The following SLC8A1 variants were observed in gnomAD, a reference collection of about 807,000 sequenced individuals.
The protein encoded by SLC8A1 is solute carrier family 8 member A1, also known as sodium/calcium exchanger 1.
Under a neutral mutation model 68.3 loss-of-function variants are expected in SLC8A1, and 18 were observed. The ratio of observed to expected loss-of-function variants is 0.26; its 90% confidence interval spans 0.18 to 0.39. The LOEUF is 0.39. Ranked by LOEUF, SLC8A1 falls within the 10% of genes least tolerant of loss-of-function variation. The probability of loss-of-function intolerance (pLI) is 1.00; values close to 1 mark genes in which losing one functional copy is unlikely to be tolerated. For synonymous variants in SLC8A1, 475 were observed against 415.5 expected, an observed-to-expected ratio of 1.14 and a Z score of -1.74; for missense variants, 985 against 1,156.7, an observed-to-expected ratio of 0.85 and a Z score of 2.15.
At chr2:40,400,182 T>C (rs1306759630) in intron 2 of SLC8A1, among the ~76,000 whole-genome samples, 2 of 152,200 alleles carry the variant, frequency 1.3e-5, no homozygotes, top group African/African-American at 4.8e-5. Context: ...GACAGGAGTC[T>C]TGCCGATGCC....
chr2:40,358,047 G>GAA (rs1559373862), intron 2 of SLC8A1, among the ~76,000 whole-genome samples: 2 of 105,824 alleles, frequency 1.9e-5, no homozygotes, highest in African/African-American at 7.8e-5. Flanking sequence ...TGCAACTGAA[G>GAA]GAAAAAAAAA....
chr2:40,241,207 A>T (rs2061174684), intron 2 of SLC8A1, among the ~76,000 whole-genome samples: 1 of 152,182 alleles, frequency 6.6e-6, no homozygotes, highest in East Asian at 1.9e-4. Context: ...AGTGATATGG[A>T]TGCAAGTGGA....
chr2:40,471,502 G>A (rs535123101), intron 1 of SLC8A1, among the ~76,000 whole-genome samples: 7 of 152,200 alleles, frequency 4.6e-5, no homozygotes, highest in African/African-American at 9.6e-5. Context: ...AAATAGGGGC[G>A]TACTACCTCC....
intron 1 of SLC8A1, among the ~76,000 whole-genome samples, chr2:40,504,958 T>C (rs1395403723): frequency 1.3e-5 from 2 of 151,954 alleles, no homozygotes; most frequent in East Asian, 1.9e-4. Flanking sequence ...CTGCTGGTTA[T>C]ATACCCTGCA....
chr2:40,392,022 C>T (rs1341709536), intron 2 of SLC8A1, among the ~76,000 whole-genome samples: 1 of 150,676 alleles, frequency 6.6e-6, no homozygotes, highest in Non-Finnish European at 1.5e-5. Flanking sequence ...ATGCTGGTTG[C>T]CTTCTCTTAA....
intron 1 of SLC8A1, among the ~76,000 whole-genome samples, chr2:40,477,336 C>T (rs1043683298): frequency 2.6e-5 from 4 of 152,092 alleles, no homozygotes; most frequent in African/African-American, 9.7e-5. Flanking sequence ...TTTCTAGAAC[C>T]TTCTGAACAC....
chr2:40,410,395 T>G (rs1691736340), intron 2 of SLC8A1, among the ~76,000 whole-genome samples: 1 of 152,110 alleles, frequency 6.6e-6, no homozygotes, highest in Non-Finnish European at 1.5e-5. Flanking sequence ...GCTTTCCAGA[T>G]AGTGACTGGT....
At chr2:40,097,862 C>G (rs1040557599) in exon 8 of SLC8A1, 1 of 151,906 alleles carries the variant, frequency 6.6e-6, no homozygotes, top group Admixed American at 6.6e-5. Context: ...TTGTACATAA[C>G]CTCAGGAATT....
intron 6 of SLC8A1, among the ~76,000 whole-genome samples, chr2:40,143,537 C>A (rs765042867): frequency 2.6e-5 from 4 of 152,122 alleles, no homozygotes; most frequent in South Asian, 4.1e-4. Flanking sequence ...GGAAAATAAC[C>A]TGTATTTGAT....
intron 2 of SLC8A1, among the ~76,000 whole-genome samples, chr2:40,350,060 C>A (rs929213786): frequency 1.3e-5 from 2 of 152,058 alleles, no homozygotes; most frequent in Non-Finnish European, 2.9e-5. Flanking sequence ...GCTTAGCCAC[C>A]CTTTTATTAA....
intron 2 of SLC8A1, among the ~76,000 whole-genome samples, chr2:40,316,297 G>C (rs926341693): frequency 2.0e-5 from 3 of 151,976 alleles, no homozygotes; most frequent in Non-Finnish European, 4.4e-5. Flanking sequence ...ATGTTGAAAA[G>C]AAATTTATTG....
intron 2 of SLC8A1, among the ~76,000 whole-genome samples, chr2:40,339,054 C>T (rs1666901573): frequency 6.6e-6 from 1 of 152,212 alleles, no homozygotes; most frequent in Non-Finnish European, 1.5e-5. Flanking sequence ...CAACCCACAA[C>T]TCAGATCACA....
chr2:40,277,404 G>A (rs766049711), intron 2 of SLC8A1, among the ~76,000 whole-genome samples: 8 of 152,060 alleles, frequency 5.3e-5, no homozygotes, highest in Non-Finnish European at 1.0e-4. Flanking sequence ...GCCAGGCGTG[G>A]TGGTGGGTGC....
chr2:40,330,777 G>A (rs2076329152), intron 2 of SLC8A1, among the ~76,000 whole-genome samples: 1 of 152,088 alleles, frequency 6.6e-6, no homozygotes, highest in Non-Finnish European at 1.5e-5. Context: ...CTAAATAATT[G>A]ACTGATCATG....
intron 1 of SLC8A1, among the ~76,000 whole-genome samples, chr2:40,479,320 G>A (rs1343236200): frequency 6.6e-6 from 1 of 152,066 alleles, no homozygotes; most frequent in African/African-American, 2.4e-5. Flanking sequence ...TAAAATTACT[G>A]TCTTTGTCTA....
intron 2 of SLC8A1, among the ~76,000 whole-genome samples, chr2:40,227,014 G>A (rs1368708973): frequency 6.6e-6 from 1 of 152,062 alleles, no homozygotes; most frequent in Non-Finnish European, 1.5e-5. Flanking sequence ...TACTTGATGG[G>A]ACTCACCATC....
chr2:40,247,434 A>ATGTGTGTG (rs3059492), intron 2 of SLC8A1, among the ~76,000 whole-genome samples: 12 of 150,742 alleles, frequency 8.0e-5, no homozygotes, highest in African/African-American at 2.9e-4. Context: ...CAGCATATAT[A>ATGTGTGTG]TGTGTGTGTG....
intron 2 of SLC8A1, among the ~76,000 whole-genome samples, chr2:40,267,513 A>G (rs2065494646): frequency 6.6e-6 from 1 of 152,206 alleles, no homozygotes; most frequent in Admixed American, 6.5e-5. Context: ...AGAGTATTTA[A>G]TTGCTTGTTT....
chr2:40,236,712 T>G (rs1188251328), intron 2 of SLC8A1, among the ~76,000 whole-genome samples: 1 of 152,216 alleles, frequency 6.6e-6, no homozygotes, highest in African/African-American at 2.4e-5. Flanking sequence ...TCTTTACAAT[T>G]TGGCATGATT....
Sources: allele counts gnomAD v4.1 joint callset (sites outside exome capture counted in the v4.1 genomes callset), GRCh38; gene constraint gnomAD v4.1.1; transcripts MANE v1.5; gene names NCBI Gene and HGNC (gene_info 2026-07-23, HGNC 2026-07-21).